Variants in SKI observed in about 807,000 individuals in gnomAD.
SKI encodes ski oncogene.
SKI carries 23 observed loss-of-function variants against 59.3 expected under a neutral mutation model. The ratio of observed to expected loss-of-function variants is 0.39; its 90% CI spans 0.28 to 0.55. The LOEUF (loss-of-function observed/expected upper bound fraction) is 0.55. Ranked by LOEUF, SKI falls within the 20% of genes least tolerant of loss-of-function variation. The pLI is 0.67. For missense variants in SKI, 1,017 were observed against 1,038.9 expected (o/e 0.98, Z 0.29); for synonymous variants, 673 against 488.6 (o/e 1.38, Z -4.98).
Position 2,284,771 on chromosome 1 carries a change from C to T in SKI, c.970-18207C>T, listed in dbSNP as rs149723041. On this transcript the variant is annotated intron_variant, in intron 1 of 6. Transcript: ENST00000378536. ...AGGGAGGGGTGGATGGCCGGCGTGG[C>T]TGTAAGAATGACAGGTGGACACGGG... Among the ~76,000 whole-genome samples the T allele has an allele frequency of 3.3e-5, 5 of 152,274 alleles. No homozygotes were observed. The East Asian group carries it at 9.7e-4, about 29-fold the overall frequency.
chr1:2,306,026 G>C lies in SKI; in HGVS notation c.1774G>C (p.Glu592Gln), dbSNP rs1569865485. 6.3e-7 allele frequency: 1 copy of C among 1,579,646 alleles called. No individual in the cohort carries two copies. The highest frequency in any genetic ancestry group is 8.6e-7 in the Non-Finnish European group (1 of 1,164,468). The change falls in exon 6 of 7, where the codon GAG (glutamate) becomes CAG (glutamine). Residue 592 changes from glutamate (E) to glutamine (Q), a missense_variant. By Grantham distance (29) the Glu-to-Gln change is conservative. Coordinates refer to ENST00000378536, the MANE Select transcript of SKI (RefSeq NM_003036.4). The part of the protein sequence containing the change: ...QAKRSLHQEL[E>Q]FLRVAKKEKL... ...AGCCGCCTCCGGCCCCCAGGAGCTG[G>C]AGTTCCTACGCGTGGCCAAGAAGGA... is the stretch of plus-strand genomic sequence containing the variant.
chr1:2,253,486 C>T (rs1001570699), intron 1 of SKI, among the ~76,000 whole-genome samples: 3 of 152,222 alleles, frequency 2.0e-5, no homozygotes, highest in Admixed American at 1.3e-4. Context: ...CTTGGACACA[C>T]ACTTGGAGGA....
chr1:2,279,673 TGGGCG>T, intron 1 of SKI, among the ~76,000 whole-genome samples: 1 of 151,760 alleles, frequency 6.6e-6, no homozygotes, highest in Middle Eastern at 3.4e-3. Flanking sequence ...ACCCAGGCAC[TGGGCG>T]TGGCCCAGCC....
At chr1:2,294,945 CAG>C (rs760409002) in intron 1 of SKI, among the ~76,000 whole-genome samples, 1 of 152,260 alleles carries the variant, frequency 6.6e-6, no homozygotes, top group Non-Finnish European at 1.5e-5. Context: ...GACTTGACCT[CAG>C]GGTGGTGGCA....
At chr1:2,286,020 C>T (rs1166086232) in intron 1 of SKI, among the ~76,000 whole-genome samples, 6 of 151,958 alleles carry the variant, frequency 3.9e-5, no homozygotes, top group Admixed American at 1.3e-4. Context: ...ACTACAGGCA[C>T]GCACTGCCAC....
rs764786977 is a variant in SKI at position 2,304,437 on chromosome 1, C to G, written c.1619C>G (p.Ala540Gly). The G allele has an allele frequency of 1.3e-6, 2 of 1,560,528 alleles. No individual in the cohort carries two copies. The highest frequency in any genetic ancestry group is 1.7e-6 in the Non-Finnish European group (2 of 1,153,368). Reference sequence around the variant, plus strand: ...GCCGACGCCCCCAGTGGGCTGGAGGCGGAGCTGGAGCACCTGCGGCAGGCA... The same window carrying G: ...GCCGACGCCCCCAGTGGGCTGGAGGGGGAGCTGGAGCACCTGCGGCAGGCA... Reference protein sequence around the residue: ...APADAPSGLEAELEHLRQALE... With the variant: ...APADAPSGLEGELEHLRQALE... Residue 540 changes from alanine (A) to glycine (G), a missense_variant, in exon 5 of 7, where the codon GCG (alanine) becomes GGG (glycine). Coordinates refer to ENST00000378536, the MANE Select transcript of SKI (RefSeq NM_003036.4).
At chr1:2,288,010 C>T (rs541930534) in intron 1 of SKI, among the ~76,000 whole-genome samples, 128 of 151,464 alleles carry the variant, frequency 8.5e-4, no homozygotes, top group Non-Finnish European at 1.6e-3. Flanking sequence ...TTCCTTGAGA[C>T]GGAGTTTCAC....
In SKI at chr1:2,304,108, TG is replaced by T. The variant is rs1640502180; in HGVS notation, c.1474+7del. On this transcript the variant is annotated splice_region_variant and intron_variant, in intron 4 of 6. Transcript: ENST00000378536. ...AGTTGAAAGCAGGGAGGAATGTACG[TG>T]TGAGTCGCTTTCTGTGCCTCCTCCC... The T allele has an allele frequency of 6.2e-7, 1 of 1,612,224 alleles. No homozygotes were observed. Among genetic ancestry groups the T allele is most frequent in the South Asian group, 1.1e-5 (1 of 90,996 alleles).
rs566290407 is a variant in SKI, at chr1:2,283,942, C to T, written c.970-19036C>T. ...TGTGGCGTCCCCTTCCTGCAGGAGG[C>T]GGGGAGGTGCTTGTTTCCCTCCAGA... is the stretch of plus-strand genomic sequence containing the variant. On this transcript the variant is annotated intron_variant, in intron 1 of 6. Transcript: ENST00000378536. Among the ~76,000 whole-genome samples the T allele has an allele frequency of 3.9e-4, 59 of 152,262 alleles. No individual in the cohort carries two copies. The South Asian group carries it at 5.6e-3, about 14-fold the overall frequency.
chr1:2,280,661 A>G lies in SKI; in HGVS notation c.970-22317A>G, dbSNP rs1314102421. 2.1e-3 allele frequency among the ~76,000 whole-genome samples: 160 copies of G among 77,944 alleles called. 1 individual carries two copies. The highest frequency in any genetic ancestry group is 2.6e-3 in the South Asian group (5 of 1,894). 51.1% of individuals were successfully genotyped at this position (77,944 alleles called of 152,430 possible). The stretch of plus-strand genomic sequence containing the variant: ...ATCTTCAGAGAGAGGACACCCGAGA[A>G]GACAGGCGGCGGCGGCGATCTTCAG... On this transcript the variant is annotated intron_variant, in intron 1 of 6. Coordinates refer to ENST00000378536, the MANE Select transcript of SKI (RefSeq NM_003036.4).
In SKI at chr1:2,309,291, A is replaced by G. The variant is rs1640683661; in HGVS notation, c.*2526A>G. 1 of 152,134 alleles carries G rather than the reference A, an allele frequency of 6.6e-6. No homozygotes were observed. The highest frequency in any genetic ancestry group is 6.5e-5 in the Admixed American group (1 of 15,280). The allele number at this position is 152,134 out of a possible 1,614,324, so 9.4% of individuals were successfully genotyped here. A position where few individuals can be genotyped will look rare whatever the true frequency, so the allele number is the denominator to read the frequency against. The stretch of plus-strand genomic sequence containing the variant: ...GTGTGTGAGGCCCTTCATCTAAGTG[A>G]TTGTGTATTCAGTTTAATTCTCATT... On this transcript the variant is annotated 3_prime_UTR_variant, in exon 7 of 7. Transcript: ENST00000378536.
chr1:2,247,409 T>C (rs1474625626), intron 1 of SKI, among the ~76,000 whole-genome samples: 1 of 152,144 alleles, frequency 6.6e-6, no homozygotes, highest in Non-Finnish European at 1.5e-5. Flanking sequence ...CCTCCTTTCT[T>C]CTGGCTCTGA....
chr1:2,243,388 T>G (rs770846735), intron 1 of SKI, among the ~76,000 whole-genome samples: 3 of 152,238 alleles, frequency 2.0e-5, no homozygotes, highest in Non-Finnish European at 4.4e-5. Context: ...CTGCCCTTTC[T>G]GCAGCTGTGG....
chr1:2,304,234 C>T, intron 4 of SKI, 59 bp from the exon 5 acceptor site: 3 of 1,553,158 alleles, frequency 1.9e-6, no homozygotes, highest in Non-Finnish European at 2.6e-6. Flanking sequence ...GCGCGTCTCC[C>T]TGGTGTGGAG....
In SKI at chr1:2,306,932, A is replaced by C. The variant is rs1569869328; in HGVS notation, c.*167A>C. 1 of 430,462 alleles carries C rather than the reference A, an allele frequency of 2.3e-6. No individual in the cohort carries two copies. The highest frequency in any genetic ancestry group is 5.3e-5 in the East Asian group (1 of 18,898). The allele number at this position is 430,462 out of a possible 1,614,324, so 26.7% of individuals were successfully genotyped here. Reference sequence around the variant, plus strand: ...ACCATGTAGTTTTGGAACCCACTGCAAAATTTTCTACTGGCCAAGTTCAAG... The same window carrying C: ...ACCATGTAGTTTTGGAACCCACTGCCAAATTTTCTACTGGCCAAGTTCAAG... On this transcript the variant is annotated 3_prime_UTR_variant, in exon 7 of 7. Coordinates refer to ENST00000378536, the MANE Select transcript of SKI (RefSeq NM_003036.4).
chr1:2,302,050 C>T (rs565267490), intron 1 of SKI, among the ~76,000 whole-genome samples: 9 of 152,354 alleles, frequency 5.9e-5, no homozygotes, highest in East Asian at 1.9e-4. Context: ...GGTTTCCAGC[C>T]GCAGGGCTGT....
intron 1 of SKI, among the ~76,000 whole-genome samples, chr1:2,291,657 CT>C (rs1241079903): frequency 4.8e-5 from 7 of 146,358 alleles, no homozygotes; most frequent in African/African-American, 1.3e-4. Flanking sequence ...ACCTTCCCCC[CT>C]GGATGGATGG....
intron 1 of SKI, among the ~76,000 whole-genome samples, chr1:2,292,997 G>T (rs1421578271): frequency 6.6e-6 from 1 of 152,210 alleles, no homozygotes; most frequent in East Asian, 1.9e-4. Flanking sequence ...GGGGCCTGCT[G>T]TTGTCTAGCA....
At chr1:2,245,178 C>T (rs1191511624) in intron 1 of SKI, among the ~76,000 whole-genome samples, 2 of 150,056 alleles carry the variant, frequency 1.3e-5, no homozygotes, top group African/African-American at 4.9e-5. Context: ...TGAGTGGAAT[C>T]GCACAGGATC....
Sources: gnomAD v4.1 joint callset for allele counts (sites outside exome capture counted in the v4.1 genomes callset) on GRCh38, gnomAD v4.1.1 for gene constraint, MANE v1.5 for transcripts, NCBI Gene and HGNC (gene_info 2026-07-23, HGNC 2026-07-21) for gene names.